PDE3A: variants seen among roughly 807,000 people sequenced by gnomAD.
PDE3A encodes cGMP-inhibited 3',5'-cyclic phosphodiesterase 3A.
Under a neutral mutation model 98.3 loss-of-function variants are expected in PDE3A, and 43 were observed. The observed-to-expected ratio is 0.44, with a 90% CI of 0.34 to 0.56. PDE3A has a LOEUF of 0.56. Ranked by LOEUF, PDE3A falls within the 20% of genes least tolerant of loss-of-function variation. The pLI, the probability that PDE3A is intolerant of heterozygous loss-of-function variation, is 0.01. For missense variants in PDE3A, 1,427 were observed against 1,440.7 expected (o/e 0.99, Z 0.15); for synonymous variants, 663 against 567.9 (o/e 1.17, Z -2.38).
chr12:20,385,987 ATATATAAAAT>A lies in PDE3A; in HGVS notation c.960+15744_960+15753del, dbSNP rs1285883831. On this transcript the variant is annotated intron_variant, in intron 1 of 15. Coordinates refer to ENST00000359062, the MANE Select transcript of PDE3A (RefSeq NM_000921.5). ...ATTATATTAATTATTAATATATAAT[ATATATAAAAT>A]ATATATATAAATATATATAAAATAT... Among the ~76,000 whole-genome samples, 63 of 107,388 alleles carry A rather than the reference ATATATAAAAT, an allele frequency of 5.9e-4. 1 individual carries two copies. The highest frequency in any genetic ancestry group is 2.6e-3 in the African/African-American group (62 of 23,940). The allele number at this position is 107,388 out of a possible 152,430, so 70.5% of individuals were successfully genotyped here.
intron 1 of PDE3A, among the ~76,000 whole-genome samples, chr12:20,460,222 G>A (rs913857918): frequency 2.6e-5 from 4 of 152,216 alleles, no homozygotes; most frequent in Non-Finnish European, 5.9e-5. Flanking sequence ...ATGTAGTTTA[G>A]AGTCTTCCTG....
intron 1 of PDE3A, chr12:20,551,517 T>C: frequency 3.8e-6 from 4 of 1,065,300 alleles, no homozygotes; most frequent in Non-Finnish European, 5.4e-6. Flanking sequence ...GTCTGGTTAA[T>C]TCCGATAACG....
chr12:20,678,979 GA>G (rs1004592480), intron 15 of PDE3A, among the ~76,000 whole-genome samples: 29 of 152,084 alleles, frequency 1.9e-4, no homozygotes, highest in African/African-American at 6.5e-4. Flanking sequence ...GAAGAAAAAG[GA>G]AAAAATAAAA....
chr12:20,384,822 G>A (rs956447284), intron 1 of PDE3A, among the ~76,000 whole-genome samples: 3 of 152,002 alleles, frequency 2.0e-5, no homozygotes, highest in Admixed American at 6.6e-5. Context: ...AAGAATAATG[G>A]CTTCCAGCTC....
At chr12:20,615,410 T>C (rs1182121256) in intron 3 of PDE3A, among the ~76,000 whole-genome samples, 1 of 152,166 alleles carries the variant, frequency 6.6e-6, no homozygotes, top group African/African-American at 2.4e-5. Flanking sequence ...CTCTGTTGTC[T>C]AAGTTACATT....
chr12:20,608,358 C>A (rs930402427), intron 2 of PDE3A, among the ~76,000 whole-genome samples: 2 of 145,998 alleles, frequency 1.4e-5, no homozygotes, highest in Admixed American at 7.0e-5. Flanking sequence ...AAAGTGAGGA[C>A]CTGACTTAAT....
At chr12:20,385,375 G>A (rs936123224) in intron 1 of PDE3A, among the ~76,000 whole-genome samples, 1 of 152,016 alleles carries the variant, frequency 6.6e-6, no homozygotes, top group Non-Finnish European at 1.5e-5. Context: ...GTGGAAGACA[G>A]TGTGGCGATT....
intron 2 of PDE3A, among the ~76,000 whole-genome samples, chr12:20,589,953 C>T (rs1943295590): frequency 6.6e-6 from 1 of 151,572 alleles, no homozygotes; most frequent in Non-Finnish European, 1.5e-5. Context: ...TATGCCTACA[C>T]TCACGGTCAT....
Position 20,633,760 on chromosome 12 carries a change from C to A in PDE3A, c.1828C>A (p.Arg610=), listed in dbSNP as rs749656655. The A allele has an allele frequency of 6.3e-7, 1 of 1,599,530 alleles. No homozygotes were observed. Among genetic ancestry groups the A allele is most frequent in the African/African-American group, 1.3e-5 (1 of 74,578 alleles). The change falls in exon 7 of 16, where the codon CGG becomes AGG. Residue 610 remains arginine, a synonymous_variant. Coordinates refer to ENST00000359062, the MANE Select transcript of PDE3A (RefSeq NM_000921.5). ...EPLERSGVAT[R]TPSRTDDTAQ... ...CCTGGAGAGAAGTGGGGTAGCCACT[C>A]GGACACCAAGTAGAACAGGTAATTC...
chr12:20,444,502 A>G (rs1259414798), intron 1 of PDE3A, among the ~76,000 whole-genome samples: 1 of 152,220 alleles, frequency 6.6e-6, no homozygotes, highest in Non-Finnish European at 1.5e-5. Flanking sequence ...AGATAAACTT[A>G]CTGTTTTAAT....
At chr12:20,470,785 G>A (rs1320329648) in intron 1 of PDE3A, among the ~76,000 whole-genome samples, 1 of 152,028 alleles carries the variant, frequency 6.6e-6, no homozygotes, top group Admixed American at 6.6e-5. Context: ...CCCCCAACCC[G>A]AATTGATATG....
rs778282029 is a variant in PDE3A, at chr12:20,588,923, G to GCC, written c.1012-24520_1012-24519insCC. Among the ~76,000 whole-genome samples, 146 of 151,840 alleles carry GCC rather than the reference G, an allele frequency of 9.6e-4. 1 individual carries two copies. The highest frequency in any genetic ancestry group is 3.2e-3 in the Middle Eastern group (1 of 316). On this transcript the variant is annotated intron_variant, in intron 2 of 15. Transcript: ENST00000359062. ...TTTAATTCATGGGGTTATCCTTTTT[G>GCC]TTTGTTTGTTTGTTTTTGAGACGGG...
chr12:20,618,368 C>T (rs1340120141), intron 4 of PDE3A, among the ~76,000 whole-genome samples: 1 of 151,954 alleles, frequency 6.6e-6, no homozygotes, highest in African/African-American at 2.4e-5. Flanking sequence ...TATTCCTTTC[C>T]ATATCTTTTC....
intron 7 of PDE3A, 36 bp downstream of exon 7, chr12:20,633,814 G>A (rs1406467156): frequency 7.9e-7 from 1 of 1,259,488 alleles, no homozygotes; most frequent in Non-Finnish European, 1.1e-6. Context: ...GCCCAAAATG[G>A]AAATTGCCTT....
At chr12:20,538,431 C>T (rs1941807032) in intron 1 of PDE3A, among the ~76,000 whole-genome samples, 1 of 152,104 alleles carries the variant, frequency 6.6e-6, no homozygotes, top group Non-Finnish European at 1.5e-5. Context: ...TTAGAAGCTT[C>T]ACACAGTGAC....
At chr12:20,636,446 T>C (rs1272482106) in intron 8 of PDE3A, among the ~76,000 whole-genome samples, 1 of 152,200 alleles carries the variant, frequency 6.6e-6, no homozygotes, top group Non-Finnish European at 1.5e-5. Context: ...GCAAATGTAC[T>C]CTTAAGAACA....
chr12:20,644,732 TATA>T (rs899666438), intron 10 of PDE3A, among the ~76,000 whole-genome samples: 1 of 152,068 alleles, frequency 6.6e-6, no homozygotes, highest in Non-Finnish European at 1.5e-5. Flanking sequence ...TCAAGTACCA[TATA>T]ATATTATTAC....
At chr12:20,630,201 G>T in intron 6 of PDE3A, 74 bp downstream of exon 6, 2 of 1,080,168 alleles carry the variant, frequency 1.9e-6, no homozygotes, top group South Asian at 1.3e-5. Context: ...CCTACCACCA[G>T]CCCACGCAGC....
chr12:20,650,630 T>C, intron 14 of PDE3A, 30 bp downstream of exon 14: 3 of 1,459,684 alleles, frequency 2.1e-6, no homozygotes, highest in Non-Finnish European at 2.9e-6. Flanking sequence ...TACAGCTTAA[T>C]CTGTACTTAC....
Sources: allele counts gnomAD v4.1 joint callset (sites outside exome capture counted in the v4.1 genomes callset), GRCh38; gene constraint gnomAD v4.1.1; transcripts MANE v1.5; gene names NCBI Gene and HGNC (gene_info 2026-07-23, HGNC 2026-07-21).